OR8H2: variants seen among roughly 807,000 people sequenced by gnomAD.
OR8H2 encodes olfactory receptor 8H2.
For missense variants in OR8H2, 374 were observed against 371.1 expected (o/e 1.01, Z -0.06); for synonymous variants, 157 against 139.2 (o/e 1.13, Z -0.90).
chr11:56,105,480 T>C lies in OR8H2; in HGVS notation c.438T>C (p.Thr146=). ...MSKRLCLALI[T]GPYVIGFIDS... ...AAAGGCTCTGCCTCGCTCTCATCAC[T>C]GGGCCTTATGTGATTGGCTTTATAG... Residue 146 remains threonine (T), a synonymous_variant, in exon 2 of 2, where the codon ACT becomes ACC. Transcript: ENST00000313503. 1.2e-6 allele frequency: 2 copies of C among 1,614,206 alleles called. No individual in the cohort carries two copies. The highest frequency in any genetic ancestry group is 1.7e-6 in the Non-Finnish European group (2 of 1,180,046).
At position 56,104,923 on chromosome 11, in the gene OR8H2, T is replaced by A. The variant is rs1337447000; in HGVS notation, c.-120T>A. On this transcript the variant is annotated 5_prime_UTR_variant, in exon 2 of 2. Coordinates refer to ENST00000313503, the MANE Select transcript of OR8H2 (RefSeq NM_001386064.1). ...ATGCAATGGTGCGATCCCGGCTCAC[T>A]GCAACCTCCGCCTCCCGCGTTCAAG... 7.9e-6 allele frequency: 7 copies of A among 881,482 alleles called. No homozygotes were observed. The highest frequency in any genetic ancestry group is 1.1e-5 in the Non-Finnish European group (6 of 561,316). The allele number at this position is 881,482 out of a possible 1,614,324, so 54.6% of individuals were successfully genotyped here. A position where few individuals can be genotyped will look rare whatever the true frequency, so the allele number is the denominator to read the frequency against.
rs775438114 is a variant in OR8H2, at chr11:56,105,350, T to G, written c.308T>G (p.Phe103Cys). ...ACGGGCTGCTTTGCCCAGATGTTCT[T>G]TTTTGCCTTCTTGGGTACTGCTGAA... is the stretch of plus-strand genomic sequence containing the variant. ...SFTGCFAQMF[F>C]FAFLGTAECY... Residue 103 changes from phenylalanine to cysteine, a missense_variant, in exon 2 of 2, where the codon TTT becomes TGT. Physicochemically the swap from Phe to Cys is radical, Grantham distance 205. Transcript: ENST00000313503. 28 of 1,614,096 alleles carry G rather than the reference T, an allele frequency of 1.7e-5. No individual in the cohort carries two copies. Among genetic ancestry groups the G allele is most frequent in the East Asian group, 4.5e-5 (2 of 44,882 alleles).
Position 56,106,400 on chromosome 11 carries a change from G to T in OR8H2, c.*419G>T, listed in dbSNP as rs139419349. 175 of 153,468 alleles carry T rather than the reference G, an allele frequency of 1.1e-3. No individual in the cohort carries two copies. The highest frequency in any genetic ancestry group is 2.1e-3 in the Non-Finnish European group (143 of 68,952). The allele number at this position is 153,468 out of a possible 1,614,324, so 9.5% of individuals were successfully genotyped here. A position where few individuals can be genotyped will look rare whatever the true frequency, so the allele number is the denominator to read the frequency against. ...ATGGGGAAGAATTATAGCAGAGTGG[G>T]TAGGAGTACCTATTTTGGAATAAAA... is the stretch of plus-strand genomic sequence containing the variant. On this transcript the variant is annotated 3_prime_UTR_variant, in exon 2 of 2. Coordinates refer to ENST00000313503, the MANE Select transcript of OR8H2 (RefSeq NM_001386064.1).
rs113551376 is a variant in OR8H2 at position 56,105,790 on chromosome 11, A to T, written c.748A>T (p.Ile250Phe). Residue 250 changes from isoleucine (I) to phenylalanine (F), a missense_variant, in exon 2 of 2, where the codon ATC becomes TTC. Coordinates refer to ENST00000313503, the MANE Select transcript of OR8H2 (RefSeq NM_001386064.1). Reference protein sequence around the residue: ...TCVSHLLGVTIFYSTLIFTYL... With the variant: ...TCVSHLLGVTFFYSTLIFTYL... ...CGTCTCTCATCTCTTGGGAGTCACC[A>T]TCTTTTATAGCACTCTGATTTTTAC... is the stretch of plus-strand genomic sequence containing the variant. 22 of 1,613,906 alleles carry T rather than the reference A, an allele frequency of 1.4e-5. No individual in the cohort carries two copies. In the African/African-American group the frequency reaches 2.0e-4, roughly 15 times the overall value.
Position 56,105,192 on chromosome 11 carries a change from C to A in OR8H2, c.150C>A (p.Ile50=). 3 of 1,614,178 alleles carry A rather than the reference C, an allele frequency of 1.9e-6. No individual in the cohort carries two copies. The highest frequency in any genetic ancestry group is 2.2e-5 in the East Asian group (1 of 44,874). The part of the protein sequence containing the change: ...MLGNVGMILI[I]RLDLQLHTPM... ...GGAATGTGGGGATGATATTGATAAT[C>A]CGCCTGGACCTCCAGCTTCACACTC... The change falls in exon 2 of 2, where the codon ATC becomes ATA. Residue 50 remains isoleucine, a synonymous_variant. Transcript: ENST00000313503.
rs576066178 is a variant in OR8H2, at chr11:56,105,549, C to A, written c.507C>A (p.Tyr169Ter). The A allele has an allele frequency of 9.3e-6, 15 of 1,614,006 alleles. No individual in the cohort carries two copies. Among genetic ancestry groups the A allele is most frequent in the Non-Finnish European group, 1.1e-5 (13 of 1,180,026 alleles). The part of the protein sequence containing the change: ...NVVSMSRLHF[Y>*]DSNVIHHFFC... ...TTTCCATGAGCAGATTGCATTTCTA[C>A]GACTCAAACGTAATTCATCACTTTT... Residue 169 changes from tyrosine (Y) to a stop codon, truncating the protein, a stop_gained, in exon 2 of 2, where the codon TAC becomes TAA. Coordinates refer to ENST00000313503, the MANE Select transcript of OR8H2 (RefSeq NM_001386064.1). LOFTEE classifies it low-confidence loss of function (END_TRUNC).
chr11:56,105,737 C>G lies in OR8H2; in HGVS notation c.695C>G (p.Ser232Ter), dbSNP rs764044142. ...ACCATCCTGAAAATTAATTCCACTTCAGGAAAGCAGAAAGCTTTCTCTACT... is the reference window on the plus strand; with the variant it reads ...ACCATCCTGAAAATTAATTCCACTTGAGGAAAGCAGAAAGCTTTCTCTACT... ...LFTILKINST[S>*]GKQKAFSTCV... is the part of the protein sequence containing the mutation. The change falls in exon 2 of 2, where the codon TCA (serine) becomes TGA (stop). Residue 232 changes from serine (S) to a stop codon, truncating the protein, a stop_gained. Transcript: ENST00000313503. LOFTEE classifies it low-confidence loss of function (END_TRUNC). 6.2e-7 allele frequency: 1 copy of G among 1,613,884 alleles called. No homozygotes were observed. Among genetic ancestry groups the G allele is most frequent in the Non-Finnish European group, 8.5e-7 (1 of 1,179,750 alleles).
rs1854027032 is a variant in OR8H2 at position 56,104,846 on chromosome 11, TGTTTGTTTTTTG to T, written c.-171-25_-171-14del. ...TTCATATAAACAGAAAGTTTTTTTT[TGTTTGTTTTTTG>T]TTTTTTGAGTCAGAGTCTGGCACAG... On this transcript the variant is annotated splice_polypyrimidine_tract_variant and intron_variant, in intron 1 of 1. Coordinates refer to ENST00000313503, the MANE Select transcript of OR8H2 (RefSeq NM_001386064.1). 1.5e-5 allele frequency: 6 copies of T among 395,524 alleles called. No homozygotes were observed. Among genetic ancestry groups the T allele is most frequent in the Admixed American group, 4.1e-5 (1 of 24,154 alleles). 24.5% of individuals were successfully genotyped at this position (395,524 alleles called of 1,614,324 possible).
Position 56,105,954 on chromosome 11 carries a change from C to T in OR8H2, c.912C>T (p.Val304=). ...NKEVKNAVIR[V]MQRRQDSR is the part of the protein sequence containing the mutation. ...AGGTGAAAAATGCTGTCATCAGAGT[C>T]ATGCAGAGAAGACAGGACTCCAGGT... Residue 304 remains valine (V), a synonymous_variant, in exon 2 of 2, where the codon GTC becomes GTT. Coordinates refer to ENST00000313503, the MANE Select transcript of OR8H2 (RefSeq NM_001386064.1). 1 of 1,587,340 alleles carries T rather than the reference C, an allele frequency of 6.3e-7. No individual in the cohort carries two copies. The highest frequency in any genetic ancestry group is 8.6e-7 in the Non-Finnish European group (1 of 1,168,528).
chr11:56,103,895 CA>C lies in OR8H2; in HGVS notation c.-263del, dbSNP rs1388049576. On this transcript the variant is annotated 5_prime_UTR_variant, in exon 1 of 2. Coordinates refer to ENST00000313503, the MANE Select transcript of OR8H2 (RefSeq NM_001386064.1). ...ATAAAAAATTCATTTCCTCAGTTTT[CA>C]TATTTTATTTATAACAAAAATTTGA... 1 of 152,074 alleles carries C rather than the reference CA, an allele frequency of 6.6e-6. No individual in the cohort carries two copies. Among genetic ancestry groups the C allele is most frequent in the African/African-American group, 2.4e-5 (1 of 41,418 alleles). 9.4% of individuals were successfully genotyped at this position (152,074 alleles called of 1,614,324 possible). A position where few individuals can be genotyped will look rare whatever the true frequency, so the allele number is the denominator to read the frequency against.
chr11:56,105,803 C>CT lies in OR8H2; in HGVS notation c.762dup (p.Leu255SerfsTer37), dbSNP rs1163153531. ...TTGGGAGTCACCATCTTTTATAGCA[C>CT]TCTGATTTTTACTTATTTAAAACCA... On this transcript the variant is annotated frameshift_variant, in exon 2 of 2. Transcript: ENST00000313503. LOFTEE classifies it low-confidence loss of function (END_TRUNC). The CT allele has an allele frequency of 6.2e-7, 1 of 1,613,678 alleles. No individual in the cohort carries two copies.
intron 1 of OR8H2, 25 bp from the exon 2 acceptor site, chr11:56,104,846 TG>T (rs113669153): frequency 0.033 from 13,035 of 390,156 alleles, 493 homozygotes; most frequent in African/African-American, 0.15. Flanking sequence ...AGTTTTTTTT[TG>T]TTTGTTTTTT....
chr11:56,104,830 A>G, intron 1 of OR8H2, 42 bp from the exon 2 acceptor site: 1 of 461,050 alleles, frequency 2.2e-6, no homozygotes, highest in Non-Finnish European at 3.8e-6. Flanking sequence ...ATTCATATAA[A>G]CAGAAAGTTT....
In OR8H2 at chr11:56,106,187, G is replaced by A. The variant is rs1269187630; in HGVS notation, c.*206G>A. ...AAATGGTAATTAGAAATCATAATAT[G>A]TGTGTCATGTTTTCAGTCTACATAT... is the stretch of plus-strand genomic sequence containing the variant. On this transcript the variant is annotated 3_prime_UTR_variant, in exon 2 of 2. Coordinates refer to ENST00000313503, the MANE Select transcript of OR8H2 (RefSeq NM_001386064.1). 1.4e-5 allele frequency: 6 copies of A among 422,034 alleles called. No individual in the cohort carries two copies. The highest frequency in any genetic ancestry group is 6.1e-5 in the African/African-American group (3 of 49,244). The allele number at this position is 422,034 out of a possible 1,614,324, so 26.1% of individuals were successfully genotyped here. A position where few individuals can be genotyped will look rare whatever the true frequency, so the allele number is the denominator to read the frequency against.
In OR8H2 at chr11:56,105,240, C is replaced by A. The variant is rs757290312; in HGVS notation, c.198C>A (p.His66Gln). 2.5e-6 allele frequency: 4 copies of A among 1,614,214 alleles called. No homozygotes were observed. The South Asian group carries it at 3.3e-5, about 13-fold the overall frequency. Residue 66 changes from histidine to glutamine, a missense_variant, in exon 2 of 2, where the codon CAC (histidine) becomes CAA (glutamine). Physicochemically the swap from His to Gln is conservative, Grantham distance 24. Transcript: ENST00000313503. ...LHTPMYFFLT[H>Q]LSFIDLSYST... Reference sequence around the variant, plus strand: ...CTCCCATGTATTTTTTCCTTACTCACCTGTCATTTATTGACCTCAGTTACT... The same window carrying A: ...CTCCCATGTATTTTTTCCTTACTCAACTGTCATTTATTGACCTCAGTTACT...
chr11:56,107,468 T>C lies in OR8H2; in HGVS notation c.*1487T>C, dbSNP rs1854070188. The C allele has an allele frequency of 6.6e-6, 1 of 151,980 alleles. No individual in the cohort carries two copies. The highest frequency in any genetic ancestry group is 2.1e-4 in the South Asian group (1 of 4,832). The allele number at this position is 151,980 out of a possible 1,614,324, so 9.4% of individuals were successfully genotyped here. Reference sequence around the variant, plus strand: ...AATTTAGTCAGGCAGAGTGCTAAAATGTCTTTTATTTTTAAATTTTTCTCT... The same window carrying C: ...AATTTAGTCAGGCAGAGTGCTAAAACGTCTTTTATTTTTAAATTTTTCTCT... On this transcript the variant is annotated 3_prime_UTR_variant, in exon 2 of 2. Coordinates refer to ENST00000313503, the MANE Select transcript of OR8H2 (RefSeq NM_001386064.1).
Position 56,107,128 on chromosome 11 carries a change from A to T in OR8H2, c.*1147A>T, listed in dbSNP as rs1221681489. On this transcript the variant is annotated 3_prime_UTR_variant, in exon 2 of 2. Coordinates refer to ENST00000313503, the MANE Select transcript of OR8H2 (RefSeq NM_001386064.1). ...TTCTTGGTACATGGACAAAATCAAGACTCACTTCACAATGTTTTGGACTTG... is the reference window on the plus strand; with the variant it reads ...TTCTTGGTACATGGACAAAATCAAGTCTCACTTCACAATGTTTTGGACTTG... 1 of 151,938 alleles carries T rather than the reference A, an allele frequency of 6.6e-6. No individual in the cohort carries two copies. Among genetic ancestry groups the T allele is most frequent in the Non-Finnish European group, 1.5e-5 (1 of 67,830 alleles). The allele number at this position is 151,938 out of a possible 1,614,324, so 9.4% of individuals were successfully genotyped here.
In OR8H2 at chr11:56,105,225, T is replaced by C; in HGVS notation, c.183T>C (p.Tyr61=). The C allele has an allele frequency of 2.5e-6, 4 of 1,614,190 alleles. No homozygotes were observed. The highest frequency in any genetic ancestry group is 3.4e-6 in the Non-Finnish European group (4 of 1,180,038). Residue 61 remains tyrosine, a synonymous_variant, in exon 2 of 2, where the codon TAT becomes TAC. Transcript: ENST00000313503. ...ACCTCCAGCTTCACACTCCCATGTATTTTTTCCTTACTCACCTGTCATTTA... is the reference window on the plus strand; with the variant it reads ...ACCTCCAGCTTCACACTCCCATGTACTTTTTCCTTACTCACCTGTCATTTA... ...RLDLQLHTPM[Y]FFLTHLSFID... is the part of the protein sequence containing the mutation.
rs1490320158 is a variant in OR8H2, at chr11:56,106,217, G to T, written c.*236G>T. ...TCATGTTTTCAGTCTACATATATGT[G>T]TTTGAAGCAACTGATGTGGAAAATA... is the stretch of plus-strand genomic sequence containing the variant. On this transcript the variant is annotated 3_prime_UTR_variant, in exon 2 of 2. Transcript: ENST00000313503. 2 of 305,442 alleles carry T rather than the reference G, an allele frequency of 6.5e-6. No individual in the cohort carries two copies. Among genetic ancestry groups the T allele is most frequent in the South Asian group, 1.1e-4 (1 of 9,146 alleles). The allele number at this position is 305,442 out of a possible 1,614,324, so 18.9% of individuals were successfully genotyped here.
Sources: gnomAD v4.1 joint callset for allele counts on GRCh38, gnomAD v4.1.1 for gene constraint, MANE v1.5 for transcripts, NCBI Gene and HGNC (gene_info 2026-07-23, HGNC 2026-07-21) for gene names.